The following ZNF544 variants were observed in gnomAD, a reference collection of about 807,000 sequenced individuals.
ZNF544 encodes zinc finger protein 544.
A neutral mutation model predicts 13.5 loss-of-function variants in ZNF544; 10 were observed. The ratio of observed to expected loss-of-function variants is 0.74; its 90% CI spans 0.46 to 1.25. ZNF544 has a LOEUF of 1.25. Ranked by LOEUF, ZNF544 falls within the 50% of genes most tolerant of loss-of-function variation. The pLI is 0.00. For missense variants in ZNF544, 896 were observed against 845.6 expected (o/e 1.06, Z -0.74); for synonymous variants, 323 against 300.5 (o/e 1.07, Z -0.77).
chr19:58,263,616 C>T lies in ZNF544; in HGVS notation c.*862C>T, dbSNP rs1023506097. ...TGTGTATTACCAAGCTCACTCTAGC[C>T]AACTAAATAAAAATCTCTGGCAGTA... On this transcript the variant is annotated 3_prime_UTR_variant, in exon 7 of 7. Transcript: ENST00000687789. 5 of 975,014 alleles carry T rather than the reference C, an allele frequency of 5.1e-6. No homozygotes were observed. Among genetic ancestry groups the T allele is most frequent in the Non-Finnish European group, 6.1e-6 (5 of 820,610 alleles). The allele number at this position is 975,014 out of a possible 1,614,324, so 60.4% of individuals were successfully genotyped here. A position where few individuals can be genotyped will look rare whatever the true frequency, so the allele number is the denominator to read the frequency against.
At chr19:58,253,530 C>T (rs897317527) in intron 6 of ZNF544, among the ~76,000 whole-genome samples, 6 of 152,222 alleles carry the variant, frequency 3.9e-5, no homozygotes, top group Non-Finnish European at 8.8e-5. Context: ...CCTTCATCTC[C>T]TGGGTTCAAG....
intron 5 of ZNF544, among the ~76,000 whole-genome samples, chr19:58,269,158 G>A (rs1266248609): frequency 6.6e-6 from 1 of 152,190 alleles, no homozygotes; most frequent in African/African-American, 2.4e-5. Context: ...TGGCAGGCTG[G>A]GCGTGGTGGC....
intron 3 of ZNF544, among the ~76,000 whole-genome samples, chr19:58,235,983 C>T (rs188461873): frequency 2.2e-4 from 34 of 152,040 alleles, no homozygotes; most frequent in African/African-American, 7.2e-4. Flanking sequence ...TCGCTTGAAC[C>T]CAGGAGGTGG....
At chr19:58,246,921 C>A in intron 6 of ZNF544, 127 bp downstream of exon 6, 1 of 754,658 alleles carries the variant, frequency 1.3e-6, no homozygotes, top group Non-Finnish European at 2.2e-6. Context: ...CTCTTTGCAG[C>A]AGTTCACCCA....
At chr19:58,265,410 C>G (rs1336405689), downstream of ZNF544, among the ~76,000 whole-genome samples, 3 of 151,424 alleles carry the variant, frequency 2.0e-5, no homozygotes, top group Non-Finnish European at 1.5e-5. Flanking sequence ...ACTCTCCTGC[C>G]TCAACCTGCT....
chr19:58,262,177 T>C lies in ZNF544; in HGVS notation c.1571T>C (p.Leu524Pro). The C allele has an allele frequency of 1.2e-6, 2 of 1,612,362 alleles. No individual in the cohort carries two copies. Among genetic ancestry groups the C allele is most frequent in the Non-Finnish European group, 1.7e-6 (2 of 1,179,530 alleles). Residue 524 changes from leucine (L) to proline (P), a missense_variant, in exon 7 of 7, where the codon CTG becomes CCG. By Grantham distance (98) the Leu-to-Pro change is moderately conservative (BLOSUM62 -3). Coordinates refer to ENST00000687789, the MANE Select transcript of ZNF544 (RefSeq NM_014480.4). ...HTGEKPYECN[L>P]CGKSFSQSSK... is the part of the protein sequence containing the mutation. ...GGAGAGAAGCCCTATGAGTGCAACCTGTGTGGGAAATCCTTCTCCCAGAGT... is the reference window on the plus strand; with the variant it reads ...GGAGAGAAGCCCTATGAGTGCAACCCGTGTGGGAAATCCTTCTCCCAGAGT...
chr19:58,246,315 C>T lies in ZNF544; in HGVS notation c.48C>T (p.Phe16=), dbSNP rs112829677. The T allele has an allele frequency of 6.2e-3, 10,087 of 1,614,028 alleles. 50 individuals carry two copies. Among genetic ancestry groups the T allele is most frequent in the Non-Finnish European group, 7.1e-3 (8,391 of 1,179,968 alleles). The stretch of plus-strand genomic sequence containing the variant: ...CCCTGTTTCAGGCATCTGTGTGCTT[C>T]GAGGATGTGGCTATGGCATTCACAC... ...MLVPPQASVC[F]EDVAMAFTQE... The change falls in exon 5 of 7, where the codon TTC becomes TTT. Residue 16 remains phenylalanine (F), a synonymous_variant. Transcript: ENST00000687789.
At chr19:58,265,493 C>T (rs1280283913), downstream of ZNF544, among the ~76,000 whole-genome samples, 5 of 152,218 alleles carry the variant, frequency 3.3e-5, no homozygotes, top group Middle Eastern at 3.4e-3. Context: ...GACAAGGTTT[C>T]ACCATGTTAG....
intron 3 of ZNF544, among the ~76,000 whole-genome samples, chr19:58,237,055 T>A (rs2042558156): frequency 6.7e-6 from 1 of 148,710 alleles, no homozygotes; most frequent in Non-Finnish European, 1.5e-5. Context: ...TCTATGAAAC[T>A]TTTTACCTTT....
intron 3 of ZNF544, among the ~76,000 whole-genome samples, chr19:58,241,179 A>ATTTAAATATATATATATATATATATATAT: frequency 1.4e-5 from 1 of 72,768 alleles, no homozygotes; most frequent in East Asian, 4.0e-4. Flanking sequence ...ATATATATAT[A>ATTTAAATATATATATATATATATATATAT]TTTTTTTTTT....
Position 58,262,484 on chromosome 19 carries a change from C to T in ZNF544, c.1878C>T (p.His626=). 1.2e-6 allele frequency: 2 copies of T among 1,614,190 alleles called. No individual in the cohort carries two copies. Among genetic ancestry groups the T allele is most frequent in the South Asian group, 2.2e-5 (2 of 91,088 alleles). The change falls in exon 7 of 7, where the codon CAC becomes CAT. Residue 626 remains histidine (H), a synonymous_variant. Coordinates refer to ENST00000687789, the MANE Select transcript of ZNF544 (RefSeq NM_014480.4). ...STQLIRHLQI[H]TGEKPYKCNQ... ...AGCTCATCAGGCATCTGCAAATTCA[C>T]ACTGGGGAGAAGCCGTACAAATGCA...
At chr19:58,265,326 C>T (rs2147781418), downstream of ZNF544, among the ~76,000 whole-genome samples, 1 of 136,250 alleles carries the variant, frequency 7.3e-6, no homozygotes, top group East Asian at 2.0e-4. Context: ...AAGACAGTCT[C>T]ACTCTGTTGC....
chr19:58,254,957 G>A (rs1165813692), intron 6 of ZNF544, among the ~76,000 whole-genome samples: 3 of 150,462 alleles, frequency 2.0e-5, no homozygotes, highest in African/African-American at 7.4e-5. Context: ...GCGCGATCTC[G>A]GCTCACTGCA....
chr19:58,240,912 A>AT (rs1470468101), intron 3 of ZNF544, among the ~76,000 whole-genome samples: 3 of 150,716 alleles, frequency 2.0e-5, no homozygotes, highest in Admixed American at 1.3e-4. Flanking sequence ...GGTAGGGGTC[A>AT]TTTTTTTCTT....
intron 3 of ZNF544, among the ~76,000 whole-genome samples, chr19:58,241,754 C>G (rs1451686612): frequency 6.6e-6 from 1 of 152,152 alleles, no homozygotes; most frequent in Non-Finnish European, 1.5e-5. Flanking sequence ...GCCTCGGCCT[C>G]CCAAAGTGCT....
intron 4 of ZNF544, among the ~76,000 whole-genome samples, chr19:58,244,399 C>T (rs560051447): frequency 5.3e-5 from 8 of 152,054 alleles, no homozygotes; most frequent in South Asian, 2.1e-4. Flanking sequence ...TCAATCCTCA[C>T]GGACACCCCT....
chr19:58,240,998 G>A (rs1319022415), intron 3 of ZNF544, among the ~76,000 whole-genome samples: 1 of 148,456 alleles, frequency 6.7e-6, no homozygotes, highest in African/African-American at 2.5e-5. Flanking sequence ...TTGAGACAGG[G>A]TCTCATTCTG....
chr19:58,262,869 G>A lies in ZNF544; in HGVS notation c.*115G>A. ...TGACGTGTATTAAGCCAGCGGTTGT[G>A]ACTCATTGAACATCAGAGGACATAT... On this transcript the variant is annotated 3_prime_UTR_variant, in exon 7 of 7. Coordinates refer to ENST00000687789, the MANE Select transcript of ZNF544 (RefSeq NM_014480.4). The A allele has an allele frequency of 6.7e-7, 1 of 1,496,228 alleles. No homozygotes were observed. Among genetic ancestry groups the A allele is most frequent in the Non-Finnish European group, 8.9e-7 (1 of 1,127,162 alleles). 92.7% of individuals were successfully genotyped at this position (1,496,228 alleles called of 1,614,324 possible).
rs770748037 is a variant in ZNF544, at chr19:58,261,659, G to A, written c.1053G>A (p.Glu351=). The part of the protein sequence containing the change: ...FSDCNIIQTT[E]KPSVCNQCGK... ...ACTGTAACATCATTCAGACTACAGA[G>A]AAGCCATCTGTGTGTAATCAGTGTG... is the stretch of plus-strand genomic sequence containing the variant. Residue 351 remains glutamate, a synonymous_variant, in exon 7 of 7, where the codon GAG becomes GAA. Coordinates refer to ENST00000687789, the MANE Select transcript of ZNF544 (RefSeq NM_014480.4). 36 of 1,614,114 alleles carry A rather than the reference G, an allele frequency of 2.2e-5. No homozygotes were observed. The highest frequency in any genetic ancestry group is 2.9e-5 in the Non-Finnish European group (34 of 1,180,054).
Sources: allele counts gnomAD v4.1 joint callset (sites outside exome capture counted in the v4.1 genomes callset), GRCh38; gene constraint gnomAD v4.1.1; transcripts MANE v1.5; gene names NCBI Gene and HGNC (gene_info 2026-07-23, HGNC 2026-07-21).